SLIT3: variants seen among roughly 807,000 people sequenced by gnomAD.
The protein encoded by SLIT3 is slit homolog 3 protein.
Under a neutral mutation model 184.0 loss-of-function variants are expected in SLIT3, and 68 were observed. The observed-to-expected ratio is 0.37, with a 90% CI of 0.30 to 0.45. The LOEUF is 0.45. Among genes scored for constraint, SLIT3 ranks in the 20% least tolerant of loss-of-function variants. SLIT3 has a pLI of 1.00. For synonymous variants in SLIT3, 831 were observed against 828.6 expected (o/e 1.00, Z -0.05); for missense variants, 1,707 against 2,026.0 (o/e 0.84, Z 3.02).
At chr5:169,256,376 T>C (rs1424305833) in intron 1 of SLIT3, among the ~76,000 whole-genome samples, 1 of 152,236 alleles carries the variant, frequency 6.6e-6, no homozygotes, top group Non-Finnish European at 1.5e-5. Flanking sequence ...TAGTATTCAG[T>C]GGAGTAACCT....
At chr5:169,058,755 A>T (rs1172889444) in intron 4 of SLIT3, among the ~76,000 whole-genome samples, 3 of 152,176 alleles carry the variant, frequency 2.0e-5, no homozygotes, top group African/African-American at 7.2e-5. Flanking sequence ...GATATACCAC[A>T]CCTTGGTAAG....
chr5:168,892,528 G>T (rs1405132446), intron 4 of SLIT3, among the ~76,000 whole-genome samples: 1 of 152,214 alleles, frequency 6.6e-6, no homozygotes, highest in African/African-American at 2.4e-5. Flanking sequence ...TAGGAAATGT[G>T]GAGGAAAATC....
intron 4 of SLIT3, among the ~76,000 whole-genome samples, chr5:169,148,277 A>G (rs1255573146): frequency 6.6e-6 from 1 of 152,174 alleles, no homozygotes; most frequent in Non-Finnish European, 1.5e-5. Context: ...CCCGTATTTA[A>G]CCAATTTAAC....
chr5:168,803,596 A>AG (rs1240582475), intron 9 of SLIT3, among the ~76,000 whole-genome samples: 2 of 152,166 alleles, frequency 1.3e-5, no homozygotes, highest in African/African-American at 2.4e-5. Flanking sequence ...GTGAAGTGGA[A>AG]GGGGGGTGGC....
At chr5:169,143,180 C>T (rs958393312) in intron 4 of SLIT3, among the ~76,000 whole-genome samples, 21 of 152,198 alleles carry the variant, frequency 1.4e-4, no homozygotes, top group African/African-American at 5.1e-4. Flanking sequence ...TCATCATTAA[C>T]TGAGCACCTA....
chr5:168,812,938 T>A (rs186069962), intron 8 of SLIT3, among the ~76,000 whole-genome samples: 50 of 152,208 alleles, frequency 3.3e-4, no homozygotes, highest in Non-Finnish European at 4.0e-4. Flanking sequence ...TCTAGAGAGA[T>A]AAGCATATTT....
rs1760937856 is a variant in SLIT3 at position 168,663,470 on chromosome 5, G to A, written c.*2984C>T. On this transcript the variant is annotated 3_prime_UTR_variant, in exon 36 of 36. Coordinates refer to ENST00000519560, the MANE Select transcript of SLIT3 (RefSeq NM_003062.4). ...GGGAGCTCTCAAGTCCATTTTGGGT[G>A]ACAGCTCTGTCTCCTCTTTCAGGCC... The A allele has an allele frequency of 6.6e-6, 1 of 152,286 alleles. No individual in the cohort carries two copies. Among genetic ancestry groups the A allele is most frequent in the South Asian group, 2.1e-4 (1 of 4,830 alleles). The allele number at this position is 152,286 out of a possible 1,614,324, so 9.4% of individuals were successfully genotyped here. A position where few individuals can be genotyped will look rare whatever the true frequency, so the allele number is the denominator to read the frequency against.
intron 14 of SLIT3, among the ~76,000 whole-genome samples, chr5:168,768,518 G>A (rs532482317): frequency 6.6e-6 from 1 of 152,286 alleles, no homozygotes; most frequent in South Asian, 2.1e-4. Context: ...CCTTCCCAAG[G>A]AAAGAAAGAA....
At chr5:169,004,035 T>C (rs2113431738) in intron 4 of SLIT3, among the ~76,000 whole-genome samples, 1 of 152,286 alleles carries the variant, frequency 6.6e-6, no homozygotes, top group Middle Eastern at 3.4e-3. Context: ...CAAGAATTAT[T>C]CCCTTCCTCT....
intron 4 of SLIT3, among the ~76,000 whole-genome samples, chr5:169,077,162 T>C (rs1758777399): frequency 6.6e-6 from 1 of 152,224 alleles, no homozygotes; most frequent in Admixed American, 6.5e-5. Flanking sequence ...TGGTGATCCA[T>C]TTCCATTTAA....
At chr5:168,837,973 G>A (rs367706289) in intron 6 of SLIT3, among the ~76,000 whole-genome samples, 243 of 152,208 alleles carry the variant, frequency 1.6e-3, no homozygotes, top group Non-Finnish European at 2.7e-3. Context: ...TTATGTCTGG[G>A]GCAGTTTTGT....
At chr5:169,109,687 C>T (rs1760343606) in intron 4 of SLIT3, among the ~76,000 whole-genome samples, 1 of 152,152 alleles carries the variant, frequency 6.6e-6, no homozygotes, top group Non-Finnish European at 1.5e-5. Flanking sequence ...ACTACCATCT[C>T]CCTATTTCAC....
chr5:168,784,804 G>A (rs932710455), intron 12 of SLIT3, among the ~76,000 whole-genome samples: 5 of 152,030 alleles, frequency 3.3e-5, no homozygotes, highest in African/African-American at 7.3e-5. Flanking sequence ...TGAACTTTAC[G>A]TAGGAGGTGG....
At chr5:169,069,704 G>T (rs1421502338) in intron 4 of SLIT3, among the ~76,000 whole-genome samples, 1 of 152,098 alleles carries the variant, frequency 6.6e-6, no homozygotes, top group East Asian at 1.9e-4. Flanking sequence ...AAGAGGTTTG[G>T]TATGAGGAGA....
intron 22 of SLIT3, 57 bp from the exon 23 acceptor site, chr5:168,722,384 G>T: frequency 6.9e-7 from 1 of 1,443,676 alleles, no homozygotes. Flanking sequence ...CCATGCATAG[G>T]TGCACTGTTC....
Position 169,279,404 on chromosome 5 carries a change from C to T in SLIT3, c.197+21109G>A, listed in dbSNP as rs151008314. On this transcript the variant is annotated intron_variant, in intron 1 of 35. Transcript: ENST00000519560. ...GCACCTTATGTTAGGCAGTGTTAGC[C>T]CCATTTTACGGAGGAGGAAACCTGA... Among the ~76,000 whole-genome samples the T allele has an allele frequency of 5.4e-4, 82 of 152,222 alleles. 1 individual carries two copies. The East Asian group carries it at 0.015, about 27-fold the overall frequency.
intron 4 of SLIT3, among the ~76,000 whole-genome samples, chr5:169,076,176 G>C (rs892508621): frequency 1.8e-4 from 27 of 152,234 alleles, no homozygotes; most frequent in African/African-American, 6.3e-4. Flanking sequence ...AAAGTGAGTT[G>C]CTGGGGGATC....
At chr5:168,800,421 C>T (rs1412041308) in intron 9 of SLIT3, among the ~76,000 whole-genome samples, 1 of 152,108 alleles carries the variant, frequency 6.6e-6, no homozygotes, top group African/African-American at 2.4e-5. Context: ...CCCATCTCTA[C>T]TAAAAATACA....
At chr5:168,793,951 C>T (rs1561936442) in intron 10 of SLIT3, among the ~76,000 whole-genome samples, 1 of 152,180 alleles carries the variant, frequency 6.6e-6, no homozygotes, top group Non-Finnish European at 1.5e-5. Context: ...TTCGAGCTGC[C>T]TCATTATGTT....
Sources: allele counts gnomAD v4.1 joint callset (sites outside exome capture counted in the v4.1 genomes callset), GRCh38; gene constraint gnomAD v4.1.1; transcripts MANE v1.5; gene names NCBI Gene and HGNC (gene_info 2026-07-23, HGNC 2026-07-21).